Variants in GAPVD1 observed in about 807,000 individuals in gnomAD.
GAPVD1 encodes GTPase-activating protein and VPS9 domain-containing protein 1.
Under a neutral mutation model 155.5 loss-of-function variants are expected in GAPVD1, and 35 were observed. The ratio of observed to expected loss-of-function variants is 0.23; its 90% CI spans 0.17 to 0.30. The LOEUF is 0.30. Among genes scored for constraint, GAPVD1 ranks in the 10% least tolerant of loss-of-function variants. The pLI is 1.00. For missense variants in GAPVD1, 1,429 were observed against 1,775.7 expected, an observed-to-expected ratio of 0.80 and a Z score of 3.51; for synonymous variants, 636 against 619.7, an observed-to-expected ratio of 1.03 and a Z score of -0.39.
At chr9:125,333,630 A>G (rs1238648151) in intron 15 of GAPVD1, among the ~76,000 whole-genome samples, 1 of 151,658 alleles carries the variant, frequency 6.6e-6, no homozygotes, top group Non-Finnish European at 1.5e-5. Context: ...CTGGGATTAC[A>G]GGCATGTGCC....
chr9:125,334,365 T>C (rs569516247), intron 15 of GAPVD1, among the ~76,000 whole-genome samples: 1 of 152,182 alleles, frequency 6.6e-6, no homozygotes, highest in South Asian at 2.1e-4. Context: ...AGTATACACC[T>C]TTTTAATATT....
At chr9:125,270,556 A>T (rs754113809) in intron 2 of GAPVD1, among the ~76,000 whole-genome samples, 6 of 152,198 alleles carry the variant, frequency 3.9e-5, no homozygotes, top group Non-Finnish European at 8.8e-5. Flanking sequence ...TTTTTGTTTC[A>T]AAGCTGAAAC....
chr9:125,276,621 G>A (rs1564266950), intron 2 of GAPVD1, among the ~76,000 whole-genome samples: 1 of 152,238 alleles, frequency 6.6e-6, no homozygotes, highest in East Asian at 1.9e-4. Flanking sequence ...CCTGGGAGGC[G>A]GAGGTTGCAG....
chr9:125,323,986 AGT>A (rs750725903), intron 11 of GAPVD1, 63 bp downstream of exon 11: 19 of 1,482,634 alleles, frequency 1.3e-5, no homozygotes, highest in Non-Finnish European at 1.7e-5. Flanking sequence ...CAAGATGAGC[AGT>A]GTGTTTTCAT....
chr9:125,293,852 TTATATATATATATA>T (rs1161661604), intron 2 of GAPVD1, among the ~76,000 whole-genome samples: 343 of 35,090 alleles, frequency 9.8e-3, no homozygotes, highest in South Asian at 0.025. Flanking sequence ...AAAATATATT[TTATATATATATATA>T]TATATATATA....
intron 2 of GAPVD1, among the ~76,000 whole-genome samples, chr9:125,280,721 G>A (rs553650762): frequency 3.3e-5 from 5 of 151,730 alleles, no homozygotes; most frequent in East Asian, 2.0e-4. Flanking sequence ...GATTACATGC[G>A]CCTGCCACCA....
chr9:125,286,689 G>A (rs1837757994), intron 2 of GAPVD1, among the ~76,000 whole-genome samples: 2 of 152,086 alleles, frequency 1.3e-5, no homozygotes, highest in Admixed American at 1.3e-4. Flanking sequence ...TGGGGGCTGG[G>A]GATACATAGG....
intron 2 of GAPVD1, among the ~76,000 whole-genome samples, chr9:125,291,786 A>G (rs2132505070): frequency 6.6e-6 from 1 of 152,306 alleles, no homozygotes; most frequent in Admixed American, 6.5e-5. Flanking sequence ...TTCCCATGGG[A>G]AAGCCAGATT....
chr9:125,345,036 C>G (rs967891968), intron 19 of GAPVD1, among the ~76,000 whole-genome samples: 1 of 152,178 alleles, frequency 6.6e-6, no homozygotes, highest in Non-Finnish European at 1.5e-5. Context: ...CTCTTGCCCC[C>G]CCACTTCATA....
At chr9:125,346,125 G>T (rs1454547135) in intron 19 of GAPVD1, 1 of 152,202 alleles carries the variant, frequency 6.6e-6, no homozygotes, top group Non-Finnish European at 1.5e-5. Context: ...ACAGAGTAAT[G>T]GTCCTGTCAG....
At chr9:125,263,443 G>A (rs1253079344) in intron 1 of GAPVD1, 12 of 545,912 alleles carry the variant, frequency 2.2e-5, no homozygotes, top group African/African-American at 1.5e-4. Context: ...GCGAGACTCC[G>A]TCTCAAAAAA....
intron 2 of GAPVD1, among the ~76,000 whole-genome samples, chr9:125,291,011 A>AG (rs1219991576): frequency 3.3e-5 from 5 of 150,914 alleles, no homozygotes; most frequent in Non-Finnish European, 5.9e-5. Flanking sequence ...AAAAAAAAAA[A>AG]AGACTGGGCA....
intron 1 of GAPVD1, among the ~76,000 whole-genome samples, chr9:125,266,185 T>C (rs1833925587): frequency 6.7e-6 from 1 of 149,928 alleles, no homozygotes; most frequent in South Asian, 2.1e-4. Flanking sequence ...GGAGTGCAAA[T>C]GCGCGATCTC....
chr9:125,321,893 G>C (rs1844372041), intron 10 of GAPVD1, among the ~76,000 whole-genome samples: 2 of 152,012 alleles, frequency 1.3e-5, no homozygotes, highest in Admixed American at 6.6e-5. Context: ...GTCGAAACGG[G>C]AAAAAATGGA....
intron 2 of GAPVD1, among the ~76,000 whole-genome samples, chr9:125,294,621 C>T (rs986128835): frequency 6.6e-6 from 1 of 150,734 alleles, no homozygotes; most frequent in Non-Finnish European, 1.5e-5. Flanking sequence ...GCTGGGATTA[C>T]AGGCGTGAGC....
intron 1 of GAPVD1, chr9:125,263,405 C>T (rs1226796960): frequency 5.7e-5 from 26 of 455,730 alleles, no homozygotes; most frequent in East Asian, 4.2e-4. Flanking sequence ...GCCAAGATCA[C>T]GCCACTGCAC....
chr9:125,365,232 GA>G lies in GAPVD1; in HGVS notation c.*2490del, dbSNP rs1453425428. 1 of 152,076 alleles carries G rather than the reference GA, an allele frequency of 6.6e-6. No homozygotes were observed. The highest frequency in any genetic ancestry group is 1.5e-5 in the Non-Finnish European group (1 of 68,014). The allele number at this position is 152,076 out of a possible 1,614,324, so 9.4% of individuals were successfully genotyped here. ...TGCAGGGGCAGCTAAGGTTTCCTCT[GA>G]AAATCTGTCAGGAGCAAGGACTACT... On this transcript the variant is annotated 3_prime_UTR_variant, in exon 28 of 28. Transcript: ENST00000297933.
At chr9:125,329,404 A>G (rs1845752052) in intron 12 of GAPVD1, among the ~76,000 whole-genome samples, 1 of 152,198 alleles carries the variant, frequency 6.6e-6, no homozygotes, top group Non-Finnish European at 1.5e-5. Context: ...TTAGAACGAT[A>G]TTAAGGACCC....
At chr9:125,287,085 A>C (rs1300416289) in intron 2 of GAPVD1, among the ~76,000 whole-genome samples, 1 of 150,652 alleles carries the variant, frequency 6.6e-6, no homozygotes, top group Non-Finnish European at 1.5e-5. Flanking sequence ...ACTCCATTTC[A>C]AAAAAAAAAT....
Sources: gnomAD v4.1 joint callset for allele counts (sites outside exome capture counted in the v4.1 genomes callset) on GRCh38, gnomAD v4.1.1 for gene constraint, MANE v1.5 for transcripts, NCBI Gene and HGNC (gene_info 2026-07-23, HGNC 2026-07-21) for gene names.